The following OTOG variants were observed in gnomAD, a reference collection of about 807,000 sequenced individuals.
OTOG encodes otogelin.
In OTOG, 296 loss-of-function variants were observed where a neutral mutation model predicts 313.8. The observed-to-expected ratio is 0.94, with a 90% CI of 0.86 to 1.04. The LOEUF is 1.04. Ranked by LOEUF, OTOG falls within the 50% of genes least tolerant of loss-of-function variation. The pLI is 0.00. For missense variants in OTOG, 3,948 were observed against 3,840.1 expected (o/e 1.03, Z -0.74); for synonymous variants, 1,533 against 1,554.9 (o/e 0.99, Z 0.33).
At chr11:17,591,684 C>A in intron 25 of OTOG, 96 bp downstream of exon 25, 1 of 1,449,976 alleles carries the variant, frequency 6.9e-7, no homozygotes, top group South Asian at 1.3e-5. Context: ...ATTGGGTGAT[C>A]GGGGATCTAA....
In OTOG at chr11:17,548,210, C is replaced by G; in HGVS notation, c.214C>G (p.Gln72Glu). ...GGACAAGGCTACAGTCGTGGGAGGC[C>G]AGGTAAGGGAGGTCTTGGGAGGGGG... ...MGDKATVVGG[Q>E]QAEAPDSVAM... The change falls in exon 3 of 56, where the codon CAG becomes GAG. Residue 72 changes from glutamine (Q) to glutamate (E), a missense_variant and splice_region_variant. Transcript: ENST00000399397. 1 of 1,546,174 alleles carries G rather than the reference C, an allele frequency of 6.5e-7. No individual in the cohort carries two copies. The highest frequency in any genetic ancestry group is 8.7e-7 in the Non-Finnish European group (1 of 1,144,454).
At chr11:17,609,010 A>C in intron 34 of OTOG, 120 bp from the exon 35 acceptor site, 1 of 748,186 alleles carries the variant, frequency 1.3e-6, no homozygotes, top group Non-Finnish European at 2.2e-6. Context: ...ACACGTAATA[A>C]GCACATGTGT....
intron 23 of OTOG, among the ~76,000 whole-genome samples, chr11:17,578,727 G>A (rs1469215411): frequency 6.6e-6 from 1 of 152,176 alleles, no homozygotes; most frequent in Admixed American, 6.5e-5. Context: ...GTGGGCTGGA[G>A]GAGGGAGAGC....
Position 17,610,410 on chromosome 11 carries a change from G to A in OTOG, c.5110G>A (p.Ala1704Thr), listed in dbSNP as rs1565116649. The A allele has an allele frequency of 1.3e-6, 2 of 1,550,532 alleles. No homozygotes were observed. Reference sequence around the variant, plus strand: ...CCCTCTAACTGTGGCTGGAACAGCAGCAGAACAGGTTCCTGTCAGTCCCCT... The same window carrying A: ...CCCTCTAACTGTGGCTGGAACAGCAACAGAACAGGTTCCTGTCAGTCCCCT... The part of the protein sequence containing the change: ...STPLTVAGTA[A>T]EQVPVSPLAT... The change falls in exon 36 of 56, where the codon GCA becomes ACA. Residue 1704 changes from alanine (A) to threonine (T), a missense_variant. Physicochemically the swap from Ala to Thr is moderately conservative, Grantham distance 58. Transcript: ENST00000399397.
At chr11:17,612,484 G>C (rs997173856) in intron 37 of OTOG, 136 bp from the exon 38 acceptor site, 1 of 1,387,730 alleles carries the variant, frequency 7.2e-7, no homozygotes, top group Non-Finnish European at 9.6e-7. Flanking sequence ...TGTGTGATGC[G>C]TGGTCTGAGC....
At position 17,596,046 on chromosome 11, in the gene OTOG, C is replaced by T. The variant is rs149548384; in HGVS notation, c.3417C>T (p.Asp1139=). ...GSSWAAVECP[D]TLDPRDMCVL... ...CTGCCTTTGCCCCTCAGTGCCCAGA[C>T]ACCCTCGATCCTCGGGATATGTGTG... The change falls in exon 29 of 56, where the codon GAC becomes GAT. Residue 1139 remains aspartate, a synonymous_variant. Coordinates refer to ENST00000399397, the MANE Select transcript of OTOG (RefSeq NM_001292063.2). 9.2e-5 allele frequency: 142 copies of T among 1,550,686 alleles called. 1 individual carries two copies. The African/African-American group carries it at 1.7e-3, about 18-fold the overall frequency.
chr11:17,639,106 G>A (rs879339688), intron 48 of OTOG, among the ~76,000 whole-genome samples: 2 of 152,178 alleles, frequency 1.3e-5, no homozygotes, highest in Non-Finnish European at 2.9e-5. Flanking sequence ...CCAGGTGAAG[G>A]GATTAATCCA....
chr11:17,634,978 G>GGT, intron 45 of OTOG, 30 bp downstream of exon 45: 1 of 1,384,948 alleles, frequency 7.2e-7, no homozygotes, highest in Non-Finnish European at 9.9e-7. Flanking sequence ...GAGGGTGGGG[G>GGT]ACGGACTGAG....
chr11:17,612,096 T>A, intron 36 of OTOG, 66 bp from the exon 37 acceptor site: 1 of 1,526,518 alleles, frequency 6.6e-7, no homozygotes, highest in South Asian at 1.2e-5. Flanking sequence ...TCTGGTGCCA[T>A]CACAGCTTGC....
chr11:17,633,457 G>A (rs570122776), intron 42 of OTOG, among the ~76,000 whole-genome samples: 144 of 152,328 alleles, frequency 9.5e-4, no homozygotes, highest in African/African-American at 3.3e-3. Flanking sequence ...AACTTTATTT[G>A]TGAAAACAGA....
At position 17,610,507 on chromosome 11, in the gene OTOG, C is replaced by A; in HGVS notation, c.5207C>A (p.Ser1736Ter). Residue 1736 changes from serine (S) to a stop codon, truncating the protein, a stop_gained, in exon 36 of 56, where the codon TCG (serine) becomes TAG (stop). Transcript: ENST00000399397. LOFTEE classifies it high-confidence loss of function. Reference protein sequence around the residue: ...GEAGHSQPMGSPASPQPHPLP... With the variant: ...GEAGHSQPMG ...GCCGGGCACAGCCAGCCCATGGGCT[C>A]GCCTGCCTCCCCACAGCCACACCCA... The A allele has an allele frequency of 6.4e-7, 1 of 1,550,578 alleles. No homozygotes were observed. Among genetic ancestry groups the A allele is most frequent in the Non-Finnish European group, 8.7e-7 (1 of 1,146,968 alleles).
At chr11:17,623,828 G>T (rs939143233) in intron 39 of OTOG, among the ~76,000 whole-genome samples, 3 of 152,020 alleles carry the variant, frequency 2.0e-5, no homozygotes, top group Admixed American at 2.0e-4. Context: ...TGGCTTTTTA[G>T]TAATAGCCAT....
chr11:17,597,040 G>C, intron 30 of OTOG, 33 bp downstream of exon 30: 1 of 1,546,108 alleles, frequency 6.5e-7, no homozygotes, highest in Non-Finnish European at 8.7e-7. Flanking sequence ...TGAGGGGACA[G>C]AGTAGAGTGT....
intron 3 of OTOG, among the ~76,000 whole-genome samples, chr11:17,549,753 G>A (rs1201608496): frequency 6.6e-6 from 1 of 152,160 alleles, no homozygotes; most frequent in Non-Finnish European, 1.5e-5. Context: ...TTGGGGAAGG[G>A]TCATAAGTGA....
rs1420678346 is a variant in OTOG, at chr11:17,632,136, G to T, written c.6982G>T (p.Val2328Leu). Residue 2328 changes from valine (V) to leucine (L), a missense_variant, in exon 42 of 56, where the codon GTG becomes TTG. Transcript: ENST00000399397. ...CELWIRDTKY[V>L]QQPCVALTVY... ...GCTGTGGATCCGGGACACCAAGTAC[G>T]TGCAGCAGCCCTGCGTGGCCCTGAC... is the stretch of plus-strand genomic sequence containing the variant. 6.4e-7 allele frequency: 1 copy of T among 1,551,048 alleles called. No individual in the cohort carries two copies. Among genetic ancestry groups the T allele is most frequent in the Non-Finnish European group, 8.7e-7 (1 of 1,147,004 alleles).
At chr11:17,558,968 A>T in intron 10 of OTOG, 84 bp from the exon 11 acceptor site, 1 of 1,097,866 alleles carries the variant, frequency 9.1e-7, no homozygotes, top group Admixed American at 2.0e-5. Flanking sequence ...GATGCCCTGA[A>T]GCCCTGGCAG....
chr11:17,553,343 G>A, intron 5 of OTOG, 22 bp from the exon 6 acceptor site: 7 of 1,471,446 alleles, frequency 4.8e-6, no homozygotes, highest in Non-Finnish European at 6.3e-6. Context: ...TACACAGAGA[G>A]GTTCTCTTTT....
At chr11:17,553,911 G>T (rs1209104482) in intron 6 of OTOG, among the ~76,000 whole-genome samples, 1 of 152,194 alleles carries the variant, frequency 6.6e-6, no homozygotes, top group African/African-American at 2.4e-5. Context: ...GTGCTATGGA[G>T]GAGAAATGCC....
In OTOG at chr11:17,563,742, G is replaced by A. The variant is rs148380813; in HGVS notation, c.1644+1935G>A. Among the ~76,000 whole-genome samples the A allele has an allele frequency of 2.4e-3, 367 of 151,344 alleles. 3 individuals carry two copies. The highest frequency in any genetic ancestry group is 8.3e-3 in the African/African-American group (340 of 41,088). ...GTTACCCAGGCTGGAGTGCAGTGGCGCAATCTCAGCTCACTGCAGCCTCAA... is the reference window on the plus strand; with the variant it reads ...GTTACCCAGGCTGGAGTGCAGTGGCACAATCTCAGCTCACTGCAGCCTCAA... On this transcript the variant is annotated intron_variant, in intron 15 of 55. Transcript: ENST00000399397.
Sources: allele counts gnomAD v4.1 joint callset (sites outside exome capture counted in the v4.1 genomes callset), GRCh38; gene constraint gnomAD v4.1.1; transcripts MANE v1.5; gene names NCBI Gene and HGNC (gene_info 2026-07-23, HGNC 2026-07-21).